Variants in ZNF77 observed in about 807,000 individuals in gnomAD.
ZNF77 encodes ZNFpT1.
Under a neutral mutation model 13.5 loss-of-function variants are expected in ZNF77, and 15 were observed. The ratio of observed to expected loss-of-function variants is 1.11; its 90% CI spans 0.74 to 1.71. The LOEUF (loss-of-function observed/expected upper bound fraction) is 1.71, where lower values mean the gene tolerates loss of function less well. Among genes scored for constraint, ZNF77 ranks in the 40% most tolerant of loss-of-function variants. ZNF77 has a pLI of 0.00. For synonymous variants in ZNF77, 282 were observed against 250.0 expected (o/e 1.13, Z -1.21); for missense variants, 717 against 676.4 (o/e 1.06, Z -0.67).
At chr19:2,938,785 T>C (rs185351354) in intron 2 of ZNF77, among the ~76,000 whole-genome samples, 178 of 152,050 alleles carry the variant, frequency 1.2e-3, no homozygotes, top group African/African-American at 4.1e-3. Context: ...TGAAACCCCA[T>C]CTCTACTAAA....
chr19:2,936,922 C>A (rs761959240), intron 2 of ZNF77, among the ~76,000 whole-genome samples: 1 of 152,154 alleles, frequency 6.6e-6, no homozygotes, highest in Non-Finnish European at 1.5e-5. Context: ...TGCCTGTAAT[C>A]TCAAAGCACT....
At position 2,933,521 on chromosome 19, in the gene ZNF77, G is replaced by A; in HGVS notation, c.1606C>T (p.Gln536Ter). The change falls in exon 4 of 4, where the codon CAA (glutamine) becomes TAA (stop). Residue 536 changes from glutamine (Q) to a stop codon, truncating the protein, a stop_gained. Coordinates refer to ENST00000314531, the MANE Select transcript of ZNF77 (RefSeq NM_021217.3). LOFTEE classifies it low-confidence loss of function (END_TRUNC). ...GKTFRYLASL[Q>*]AHVRTHAGA ...CCAGCATGTGTTCTCACATGTGCTTGAAGCGATGCGAGATACCTGAAGGTT... is the reference window on the plus strand; with the variant it reads ...CCAGCATGTGTTCTCACATGTGCTTAAAGCGATGCGAGATACCTGAAGGTT... The A allele has an allele frequency of 1.9e-6, 3 of 1,595,192 alleles. No homozygotes were observed. Among genetic ancestry groups the A allele is most frequent in the East Asian group, 4.5e-5 (2 of 44,600 alleles).
rs140137786 is a variant in ZNF77, at chr19:2,934,277, G to T, written c.850C>A (p.Arg284=). 6.2e-7 allele frequency: 1 copy of T among 1,613,198 alleles called. No individual in the cohort carries two copies. The highest frequency in any genetic ancestry group is 2.2e-5 in the East Asian group (1 of 44,876). Residue 284 remains arginine (R), a synonymous_variant, in exon 4 of 4, where the codon CGA becomes AGA. Coordinates refer to ENST00000314531, the MANE Select transcript of ZNF77 (RefSeq NM_021217.3). ...CCAGTGTGTGTTCTGACATGTTCTC[G>T]AAAGTATGAGGGACAGCTGAAGGCT... ...GKAFSCPSYF[R]EHVRTHTGEK... is the part of the protein sequence containing the mutation.
At chr19:2,943,692 A>ATTTTTTTTTTTTTTTTTTTTTTT (rs10633206) in intron 1 of ZNF77, among the ~76,000 whole-genome samples, 10 of 76,770 alleles carry the variant, frequency 1.3e-4, no homozygotes, top group Non-Finnish European at 1.8e-4. Flanking sequence ...TCTAGCCAGG[A>ATTTTTTTTTTTTTTTTTTTTTTT]TTTTTTTTTT....
intron 3 of ZNF77, 48 bp downstream of exon 3, chr19:2,936,476 T>A (rs765455936): frequency 6.6e-7 from 1 of 1,517,440 alleles, no homozygotes; most frequent in Admixed American, 2.5e-5. Context: ...TGCAAGTTAG[T>A]TTGATGCTCT....
rs111380042 is a variant in ZNF77, at chr19:2,944,955, A to T, written c.-115T>A. Reference sequence around the variant, plus strand: ...GGGTAGGCGGGGAAGCGCGCAAGGCAGAGGGGAACTCGGCTTACCGTCCTC... The same window carrying T: ...GGGTAGGCGGGGAAGCGCGCAAGGCTGAGGGGAACTCGGCTTACCGTCCTC... On this transcript the variant is annotated 5_prime_UTR_variant, in exon 1 of 4. Transcript: ENST00000314531. The T allele has an allele frequency of 1.5e-6, 2 of 1,347,082 alleles. No homozygotes were observed. The highest frequency in any genetic ancestry group is 3.0e-5 in the African/African-American group (2 of 66,090). The allele number at this position is 1,347,082 out of a possible 1,614,324, so 83.4% of individuals were successfully genotyped here.
Position 2,933,867 on chromosome 19 carries a change from G to A in ZNF77, c.1260C>T (p.Ser420=), listed in dbSNP as rs760709218. The stretch of plus-strand genomic sequence containing the variant: ...TCCTCACGTGGATTCGAAGGGAGGA[G>A]GAAAAACTGTAGGCTTTCCCACACT... ...CKECGKAYSF[S]SSLRIHVRTH... is the part of the protein sequence containing the mutation. Residue 420 remains serine (S), a synonymous_variant, in exon 4 of 4, where the codon TCC becomes TCT. Transcript: ENST00000314531. 6.2e-7 allele frequency: 1 copy of A among 1,613,758 alleles called. No homozygotes were observed. Among genetic ancestry groups the A allele is most frequent in the Non-Finnish European group, 8.5e-7 (1 of 1,179,878 alleles).
In ZNF77 at chr19:2,938,773, G is replaced by T. The variant is rs375585699; in HGVS notation, c.130+508C>A. Among the ~76,000 whole-genome samples, 284 of 152,052 alleles carry T rather than the reference G, an allele frequency of 1.9e-3. 2 individuals are homozygous for T. Among genetic ancestry groups the T allele is most frequent in the East Asian group, 0.016 (83 of 5,148 alleles). On this transcript the variant is annotated intron_variant, in intron 2 of 3. Transcript: ENST00000314531. ...AGATCGAGACCATCCTGGCTAACAC[G>T]GTGAAACCCCATCTCTACTAAAGCT...
At chr19:2,935,558 C>T (rs1249730300) in intron 3 of ZNF77, among the ~76,000 whole-genome samples, 4 of 150,838 alleles carry the variant, frequency 2.7e-5, no homozygotes, top group Non-Finnish European at 5.9e-5. Context: ...CTCGAACTCC[C>T]GACCTCAGGT....
Position 2,936,700 on chromosome 19 carries a change from AC to A in ZNF77, c.134del (p.Cys45PhefsTer28), listed in dbSNP as rs2088401275. On this transcript the variant is annotated frameshift_variant, in exon 3 of 4. Transcript: ENST00000314531. LOFTEE classifies it high-confidence loss of function. ...ETCRNLASLDCYIYVRTSGSS... is the reference protein window; with the variant it reads ...ETCRNLASLDXYIYVRTSGSS... ...ATCCACTGGTTCTAACATAAATGTA[AC>A]AATCTGCAACAATCAATTACACAAT... is the stretch of plus-strand genomic sequence containing the variant. 1.3e-6 allele frequency: 2 copies of A among 1,599,522 alleles called. No individual in the cohort carries two copies. Among genetic ancestry groups the A allele is most frequent in the African/African-American group, 2.7e-5 (2 of 74,034 alleles).
In ZNF77 at chr19:2,944,878, C is replaced by G; in HGVS notation, c.-38G>C. Reference sequence around the variant, plus strand: ...CCTGGGCTCTCCAGGGTTAGCGCCCCGCGGTCCAGCGACCGGCGCAGGTGA... The same window carrying G: ...CCTGGGCTCTCCAGGGTTAGCGCCCGGCGGTCCAGCGACCGGCGCAGGTGA... On this transcript the variant is annotated 5_prime_UTR_variant, in exon 1 of 4. Transcript: ENST00000314531. 6.6e-7 allele frequency: 1 copy of G among 1,522,480 alleles called. No homozygotes were observed. The allele number at this position is 1,522,480 out of a possible 1,614,324, so 94.3% of individuals were successfully genotyped here. A position where few individuals can be genotyped will look rare whatever the true frequency, so the allele number is the denominator to read the frequency against.
chr19:2,944,769 C>A, intron 1 of ZNF77, 69 bp downstream of exon 1: 1 of 1,473,938 alleles, frequency 6.8e-7, no homozygotes, highest in Non-Finnish European at 8.9e-7. Flanking sequence ...GCTGCGAACT[C>A]GGGCGGAAGC....
intron 1 of ZNF77, among the ~76,000 whole-genome samples, chr19:2,940,801 C>T (rs1268542918): frequency 6.6e-6 from 1 of 151,910 alleles, no homozygotes; most frequent in Admixed American, 6.6e-5. Context: ...GCTGTCGTTA[C>T]ACACTGTTCA....
rs188388050 is a variant in ZNF77 at position 2,933,918 on chromosome 19, G to A, written c.1209C>T (p.Ser403=). 92 of 1,612,502 alleles carry A rather than the reference G, an allele frequency of 5.7e-5. No homozygotes were observed. Among genetic ancestry groups the A allele is most frequent in the African/African-American group, 4.2e-4 (31 of 74,522 alleles). ...CTTTACATTGATAGGGCTTCACCCC[G>A]CTGTGTGTTTTCACATGTCTTCTAA... ...TYFRRHVKTH[S]GVKPYQCKEC... Residue 403 remains serine, a synonymous_variant, in exon 4 of 4, where the codon AGC becomes AGT. Coordinates refer to ENST00000314531, the MANE Select transcript of ZNF77 (RefSeq NM_021217.3).
In ZNF77 at chr19:2,933,485, A is replaced by T; in HGVS notation, c.*4T>A. ...ACTCTCCCAGGTCCACTGTATTCGT[A>T]GATTCACGCTCCAGCATGTGTTCTC... On this transcript the variant is annotated 3_prime_UTR_variant, in exon 4 of 4. Transcript: ENST00000314531. 1 of 1,546,520 alleles carries T rather than the reference A, an allele frequency of 6.5e-7. No homozygotes were observed. Among genetic ancestry groups the T allele is most frequent in the South Asian group, 1.2e-5 (1 of 80,100 alleles).
At chr19:2,939,564 GC>G in intron 1 of ZNF77, 157 bp from the exon 2 acceptor site, 1 of 982,114 alleles carries the variant, frequency 1.0e-6, no homozygotes, top group Non-Finnish European at 1.5e-6. Flanking sequence ...TACACTCAAT[GC>G]CGTGAGTACC....
intron 3 of ZNF77, 131 bp downstream of exon 3, chr19:2,936,392 AC>A: frequency 1.1e-6 from 1 of 941,520 alleles, no homozygotes. Flanking sequence ...CAGGTGATCC[AC>A]CCGCCTCGGC....
At chr19:2,935,229 A>C (rs1010466305) in intron 3 of ZNF77, among the ~76,000 whole-genome samples, 3 of 150,556 alleles carry the variant, frequency 2.0e-5, no homozygotes, top group Non-Finnish European at 2.9e-5. Context: ...CGTGTTAGCC[A>C]GGATGGTCTT....
At chr19:2,940,678 GAAAAAA>G (rs71179936) in intron 1 of ZNF77, among the ~76,000 whole-genome samples, 2,512 of 114,630 alleles carry the variant, frequency 0.022, 65 homozygotes, top group African/African-American at 0.08. Flanking sequence ...TCACAAAAAA[GAAAAAA>G]AAAAAAAAAA....
Sources: gnomAD v4.1 joint callset for allele counts (sites outside exome capture counted in the v4.1 genomes callset) on GRCh38, gnomAD v4.1.1 for gene constraint, MANE v1.5 for transcripts, NCBI Gene and HGNC (gene_info 2026-07-23, HGNC 2026-07-21) for gene names.